Variants in HOXD4 observed in about 807,000 individuals in gnomAD.
HOXD4 encodes homeobox D4.
In HOXD4, 15 loss-of-function variants were observed where a neutral mutation model predicts 22.6. That is an observed-to-expected ratio of 0.67 (90% confidence interval 0.45 to 1.02). HOXD4 has a LOEUF of 1.02. Among genes scored for constraint, HOXD4 ranks in the 50% least tolerant of loss-of-function variants. HOXD4 has a pLI of 0.00. For missense variants in HOXD4, 350 were observed against 346.6 expected (o/e 1.01, Z -0.08); for synonymous variants, 176 against 157.0 (o/e 1.12, Z -0.90).
rs372805006 is a variant in HOXD4 at position 176,152,665 on chromosome 2, A to T, written c.491A>T (p.Gln164Leu). 6.2e-7 allele frequency: 1 copy of T among 1,614,208 alleles called. No homozygotes were observed. Among genetic ancestry groups the T allele is most frequent in the South Asian group, 1.1e-5 (1 of 91,084 alleles). The change falls in exon 2 of 2, where the codon CAG (glutamine) becomes CTG (leucine). Residue 164 changes from glutamine (Q) to leucine (L), a missense_variant. Coordinates refer to ENST00000306324, the MANE Select transcript of HOXD4 (RefSeq NM_014621.3). This position sits in a 1 kb window ranked among gnomAD's most constrained non-coding sequence, Gnocchi z 5.2. The stretch of plus-strand genomic sequence containing the variant: ...CGGTCCCGAACGGCCTACACCCGGC[A>T]GCAAGTCCTAGAACTGGAAAAAGAA... ...PKRSRTAYTRQQVLELEKEFH... is the reference protein window; with the variant it reads ...PKRSRTAYTRLQVLELEKEFH...
chr2:176,152,746 T>C lies in HOXD4; in HGVS notation c.572T>C (p.Leu191Pro). 1 of 1,614,190 alleles carries C rather than the reference T, an allele frequency of 6.2e-7. No individual in the cohort carries two copies. Among genetic ancestry groups the C allele is most frequent in the South Asian group, 1.1e-5 (1 of 91,082 alleles). Residue 191 changes from leucine to proline, a missense_variant, in exon 2 of 2, where the codon CTG (leucine) becomes CCG (proline). By Grantham distance (98) the Leu-to-Pro change is moderately conservative. Transcript: ENST00000306324. This position sits in a 1 kb window ranked among gnomAD's most constrained non-coding sequence, Gnocchi z 5.2. ...CGTCGGATTGAAATCGCTCACACCC[T>C]GTGTCTGTCGGAGCGCCAGATCAAG... ...RRRRIEIAHT[L>P]CLSERQIKIW...
Position 176,153,060 on chromosome 2 carries a change from C to A in HOXD4, c.*118C>A. 3.8e-6 allele frequency: 3 copies of A among 791,158 alleles called. No individual in the cohort carries two copies. Among genetic ancestry groups the A allele is most frequent in the East Asian group, 4.5e-5 (1 of 22,422 alleles). 49.0% of individuals were successfully genotyped at this position (791,158 alleles called of 1,614,324 possible). A position where few individuals can be genotyped will look rare whatever the true frequency, so the allele number is the denominator to read the frequency against. The stretch of plus-strand genomic sequence containing the variant: ...AAGGTACTGTGGGGTGGACCTGGGA[C>A]AAGCAGGCCGCCCTCGGACTAGGTT... On this transcript the variant is annotated 3_prime_UTR_variant, in exon 2 of 2. Coordinates refer to ENST00000306324, the MANE Select transcript of HOXD4 (RefSeq NM_014621.3).
rs1331863533 is a variant in HOXD4, at chr2:176,152,466, G to A, written c.434-142G>A. On this transcript the variant is annotated intron_variant, in intron 1 of 1. Transcript: ENST00000306324. The surrounding 1 kb of genome is among the most constrained non-coding windows in gnomAD (Gnocchi z 5.2). ...TGAGCGTGTGCGCCGGGGAGAGGGC[G>A]GGAGGGAGGAAGCAAGCGAGCTTGG... The A allele has an allele frequency of 1.4e-6, 1 of 729,732 alleles. No homozygotes were observed. Among genetic ancestry groups the A allele is most frequent in the Non-Finnish European group, 2.4e-6 (1 of 410,614 alleles). The allele number at this position is 729,732 out of a possible 1,614,324, so 45.2% of individuals were successfully genotyped here.
rs982176651 is a variant in HOXD4, at chr2:176,152,989, G to A, written c.*47G>A. ...CTCTCCCTGCGCACCAGGCTGAGCC[G>A]AAGCTGCGGGGGCAGGCCGGGCCTG... On this transcript the variant is annotated 3_prime_UTR_variant, in exon 2 of 2. Coordinates refer to ENST00000306324, the MANE Select transcript of HOXD4 (RefSeq NM_014621.3). The surrounding 1 kb of genome is among the most constrained non-coding windows in gnomAD (Gnocchi z 5.2). 6.3e-7 allele frequency: 1 copy of A among 1,579,070 alleles called. No individual in the cohort carries two copies. Among genetic ancestry groups the A allele is most frequent in the Non-Finnish European group, 8.7e-7 (1 of 1,148,274 alleles).
At position 176,152,999 on chromosome 2, in the gene HOXD4, G is replaced by A. The variant is rs1381032188; in HGVS notation, c.*57G>A. ...GCACCAGGCTGAGCCGAAGCTGCGG[G>A]GGCAGGCCGGGCCTGCTGTCACCTC... On this transcript the variant is annotated 3_prime_UTR_variant, in exon 2 of 2. Coordinates refer to ENST00000306324, the MANE Select transcript of HOXD4 (RefSeq NM_014621.3). This position sits in a 1 kb window ranked among gnomAD's most constrained non-coding sequence, Gnocchi z 5.2. 6.5e-7 allele frequency: 1 copy of A among 1,547,718 alleles called. No individual in the cohort carries two copies. Among genetic ancestry groups the A allele is most frequent in the Non-Finnish European group, 8.9e-7 (1 of 1,119,962 alleles).
chr2:176,151,594 C>G lies in HOXD4; in HGVS notation c.-40C>G, dbSNP rs747757026. 4 of 1,564,380 alleles carry G rather than the reference C, an allele frequency of 2.6e-6. No homozygotes were observed. Among genetic ancestry groups the G allele is most frequent in the Non-Finnish European group, 3.5e-6 (4 of 1,136,416 alleles). On this transcript the variant is annotated 5_prime_UTR_variant, in exon 1 of 2. Coordinates refer to ENST00000306324, the MANE Select transcript of HOXD4 (RefSeq NM_014621.3). The stretch of plus-strand genomic sequence containing the variant: ...GGCCCTATGGAAGGAGAAAAAAAGA[C>G]AACACGAGAAAAATTAGTATTTTCT...
rs1690575532 is a variant in HOXD4 at position 176,152,995 on chromosome 2, G to T, written c.*53G>T. On this transcript the variant is annotated 3_prime_UTR_variant, in exon 2 of 2. Transcript: ENST00000306324. The surrounding 1 kb of genome is among the most constrained non-coding windows in gnomAD (Gnocchi z 5.2). The stretch of plus-strand genomic sequence containing the variant: ...CTGCGCACCAGGCTGAGCCGAAGCT[G>T]CGGGGGCAGGCCGGGCCTGCTGTCA... 1.9e-6 allele frequency: 3 copies of T among 1,569,506 alleles called. No individual in the cohort carries two copies. The highest frequency in any genetic ancestry group is 1.7e-5 in the Admixed American group (1 of 59,960).
rs190840162 is a variant in HOXD4, at chr2:176,152,542, C to T, written c.434-66C>T. On this transcript the variant is annotated intron_variant, in intron 1 of 1. Coordinates refer to ENST00000306324, the MANE Select transcript of HOXD4 (RefSeq NM_014621.3). This position sits in a 1 kb window ranked among gnomAD's most constrained non-coding sequence, Gnocchi z 5.2. ...TCGGGGCGCGCCAGGAAGTGAGCGG[C>T]GGAGGCGAGGGGCCTAACTAGTGGC... 8.9e-5 allele frequency: 122 copies of T among 1,363,478 alleles called. No homozygotes were observed. In the Middle Eastern group the frequency reaches 1.5e-3, roughly 17 times the overall value. The allele number at this position is 1,363,478 out of a possible 1,614,324, so 84.5% of individuals were successfully genotyped here. A position where few individuals can be genotyped will look rare whatever the true frequency, so the allele number is the denominator to read the frequency against.
chr2:176,151,557 A>G lies in HOXD4; in HGVS notation c.-77A>G. 3.1e-6 allele frequency: 4 copies of G among 1,310,186 alleles called. No homozygotes were observed. Among genetic ancestry groups the G allele is most frequent in the Non-Finnish European group, 4.4e-6 (4 of 908,888 alleles). 81.2% of individuals were successfully genotyped at this position (1,310,186 alleles called of 1,614,324 possible). ...GGCTGCCCAACTTTATTCAGTTGAC[A>G]GCAAGTAGGAGGGCCCTATGGAAGG... On this transcript the variant is annotated 5_prime_UTR_variant, in exon 1 of 2. Transcript: ENST00000306324.
At position 176,152,729 on chromosome 2, in the gene HOXD4, T is replaced by C. The variant is rs1348834970; in HGVS notation, c.555T>C (p.Ile185=). The C allele has an allele frequency of 1.2e-6, 2 of 1,614,070 alleles. No homozygotes were observed. The highest frequency in any genetic ancestry group is 1.7e-6 in the Non-Finnish European group (2 of 1,180,032). ...GGTATCTGACAAGGCGCCGTCGGATTGAAATCGCTCACACCCTGTGTCTGT... is the reference window on the plus strand; with the variant it reads ...GGTATCTGACAAGGCGCCGTCGGATCGAAATCGCTCACACCCTGTGTCTGT... ...FNRYLTRRRR[I]EIAHTLCLSE... Residue 185 remains isoleucine, a synonymous_variant, in exon 2 of 2, where the codon ATT becomes ATC. Transcript: ENST00000306324. This position sits in a 1 kb window ranked among gnomAD's most constrained non-coding sequence, Gnocchi z 5.2.
At position 176,151,852 on chromosome 2, in the gene HOXD4, G is replaced by T; in HGVS notation, c.219G>T (p.Leu73=). 1 of 1,591,078 alleles carries T rather than the reference G, an allele frequency of 6.3e-7. No individual in the cohort carries two copies. The highest frequency in any genetic ancestry group is 8.6e-7 in the Non-Finnish European group (1 of 1,168,598). The change falls in exon 1 of 2, where the codon CTG becomes CTT. Residue 73 remains leucine (L), a synonymous_variant. Transcript: ENST00000306324. ...GCGGCCCCGGGCCTGGCTCGGCGCT[G>T]CCTGCGCGGGGTCACGGACAAGAGC... ...GGSGPGPGSA[L]PARGHGQEPG... is the part of the protein sequence containing the mutation.
In HOXD4 at chr2:176,152,598, T is replaced by A; in HGVS notation, c.434-10T>A. 6.2e-7 allele frequency: 1 copy of A among 1,612,606 alleles called. No homozygotes were observed. The highest frequency in any genetic ancestry group is 1.1e-5 in the South Asian group (1 of 91,052). ...GCTGACCTGCCTGTCCTGTCTGTTT[T>A]GTCTCGCAGTGAACCCCAACTACAC... On this transcript the variant is annotated splice_polypyrimidine_tract_variant and intron_variant, in intron 1 of 1. Coordinates refer to ENST00000306324, the MANE Select transcript of HOXD4 (RefSeq NM_014621.3). This position sits in a 1 kb window ranked among gnomAD's most constrained non-coding sequence, Gnocchi z 5.2.
Position 176,153,182 on chromosome 2 carries a change from C to T in HOXD4, c.*240C>T, listed in dbSNP as rs1690581383. The T allele has an allele frequency of 1.8e-6, 1 of 553,468 alleles. No individual in the cohort carries two copies. The highest frequency in any genetic ancestry group is 3.2e-6 in the Non-Finnish European group (1 of 310,686). 34.3% of individuals were successfully genotyped at this position (553,468 alleles called of 1,614,324 possible). A position where few individuals can be genotyped will look rare whatever the true frequency, so the allele number is the denominator to read the frequency against. On this transcript the variant is annotated 3_prime_UTR_variant, in exon 2 of 2. Coordinates refer to ENST00000306324, the MANE Select transcript of HOXD4 (RefSeq NM_014621.3). Reference sequence around the variant, plus strand: ...TAAGTATATTATATGGCAGGAGCTACTGAGAACATAAAATCTTGGCGAGTC... The same window carrying T: ...TAAGTATATTATATGGCAGGAGCTATTGAGAACATAAAATCTTGGCGAGTC...
chr2:176,152,161 C>T lies in HOXD4; in HGVS notation c.433+95C>T, dbSNP rs2105422913. 1 of 1,039,474 alleles carries T rather than the reference C, an allele frequency of 9.6e-7. No homozygotes were observed. Among genetic ancestry groups the T allele is most frequent in the Admixed American group, 1.9e-5 (1 of 52,352 alleles). 64.4% of individuals were successfully genotyped at this position (1,039,474 alleles called of 1,614,324 possible). ...TGCGAGTAGGTGGGGGCGTGTGGAG[C>T]TTCCATGGGCGCCGCAATTACTCTC... On this transcript the variant is annotated intron_variant, in intron 1 of 1. Transcript: ENST00000306324. The surrounding 1 kb of genome is among the most constrained non-coding windows in gnomAD (Gnocchi z 5.2).
In HOXD4 at chr2:176,152,760, C is replaced by G; in HGVS notation, c.586C>G (p.Arg196Gly). ...EIAHTLCLSERQIKIWFQNRR... is the reference protein window; with the variant it reads ...EIAHTLCLSEGQIKIWFQNRR... ...CGCTCACACCCTGTGTCTGTCGGAG[C>G]GCCAGATCAAGATCTGGTTCCAGAA... is the stretch of plus-strand genomic sequence containing the variant. Residue 196 changes from arginine to glycine, a missense_variant, in exon 2 of 2, where the codon CGC becomes GGC. Coordinates refer to ENST00000306324, the MANE Select transcript of HOXD4 (RefSeq NM_014621.3). This position sits in a 1 kb window ranked among gnomAD's most constrained non-coding sequence, Gnocchi z 5.2. The G allele has an allele frequency of 2.5e-6, 4 of 1,614,152 alleles. No homozygotes were observed. The highest frequency in any genetic ancestry group is 3.4e-6 in the Non-Finnish European group (4 of 1,180,028).
At position 176,152,114 on chromosome 2, in the gene HOXD4, G is replaced by C; in HGVS notation, c.433+48G>C. The C allele has an allele frequency of 6.5e-7, 1 of 1,543,772 alleles. No homozygotes were observed. Among genetic ancestry groups the C allele is most frequent in the Non-Finnish European group, 8.9e-7 (1 of 1,117,390 alleles). ...TTTCTGTCCACATCCCAGCCCGTTA[G>C]CCTGGGTCCTCTGGAAGGGGGTGCG... On this transcript the variant is annotated intron_variant, in intron 1 of 1. Transcript: ENST00000306324. The surrounding 1 kb of genome is among the most constrained non-coding windows in gnomAD (Gnocchi z 5.2).
At position 176,152,539 on chromosome 2, in the gene HOXD4, C is replaced by T; in HGVS notation, c.434-69C>T. 9.7e-6 allele frequency: 13 copies of T among 1,333,798 alleles called. 1 individual carries two copies. Among genetic ancestry groups the T allele is most frequent in the Non-Finnish European group, 1.3e-5 (12 of 932,208 alleles). The allele number at this position is 1,333,798 out of a possible 1,614,324, so 82.6% of individuals were successfully genotyped here. On this transcript the variant is annotated intron_variant, in intron 1 of 1. Transcript: ENST00000306324. This position sits in a 1 kb window ranked among gnomAD's most constrained non-coding sequence, Gnocchi z 5.2. ...GCCTCGGGGCGCGCCAGGAAGTGAG[C>T]GGCGGAGGCGAGGGGCCTAACTAGT...
chr2:176,152,738 T>C lies in HOXD4; in HGVS notation c.564T>C (p.Ala188=). ...YLTRRRRIEI[A]HTLCLSERQI... ...CAAGGCGCCGTCGGATTGAAATCGC[T>C]CACACCCTGTGTCTGTCGGAGCGCC... is the stretch of plus-strand genomic sequence containing the variant. The change falls in exon 2 of 2, where the codon GCT becomes GCC. Residue 188 remains alanine (A), a synonymous_variant. Transcript: ENST00000306324. This position sits in a 1 kb window ranked among gnomAD's most constrained non-coding sequence, Gnocchi z 5.2. The C allele has an allele frequency of 6.2e-7, 1 of 1,614,186 alleles. No homozygotes were observed. The highest frequency in any genetic ancestry group is 8.5e-7 in the Non-Finnish European group (1 of 1,180,020).
rs78015126 is a variant in HOXD4 at position 176,151,768 on chromosome 2, C to T, written c.135C>T (p.Asp45=). 2,193 of 1,612,746 alleles carry T rather than the reference C, an allele frequency of 1.4e-3. 31 individuals are homozygous for T. In the African/African-American group the frequency reaches 0.027, roughly 19 times the overall value. The part of the protein sequence containing the change: ...DYYGGGAQGA[D]FQPPGLYPRP... ...ACGGCGGCGGCGCGCAGGGCGCAGA[C>T]TTCCAGCCCCCGGGGCTCTACCCAC... The change falls in exon 1 of 2, where the codon GAC becomes GAT. Residue 45 remains aspartate, a synonymous_variant. Transcript: ENST00000306324.
Sources: gnomAD v4.1 joint callset for allele counts on GRCh38, gnomAD v4.1.1 for gene constraint, Gnocchi (gnomAD v3.1) non-coding constraint, MANE v1.5 for transcripts, NCBI Gene and HGNC (gene_info 2026-07-23, HGNC 2026-07-21) for gene names.